Variants in KLF7 observed in about 807,000 individuals in gnomAD.
KLF7 encodes Krueppel-like factor 7.
A neutral mutation model predicts 27.3 loss-of-function variants in KLF7; 2 were observed. The observed-to-expected ratio is 0.07, with a 90% CI of 0.03 to 0.23. The LOEUF (loss-of-function observed/expected upper bound fraction) is 0.23. Ranked by LOEUF, KLF7 falls within the 10% of genes least tolerant of loss-of-function variation. The pLI, the probability that KLF7 is intolerant of heterozygous loss-of-function variation, is 1.00. For missense variants in KLF7, 221 were observed against 394.1 expected, an observed-to-expected ratio of 0.56 and a Z score of 3.72; for synonymous variants, 165 against 162.4, an observed-to-expected ratio of 1.02 and a Z score of -0.12.
chr2:207,161,560 C>A (rs1398128092), intron 1 of KLF7, among the ~76,000 whole-genome samples: 1 of 152,166 alleles, frequency 6.6e-6, no homozygotes, highest in African/African-American at 2.4e-5. Flanking sequence ...CCCAGGCCTG[C>A]AGAAGGAAGT....
At chr2:207,138,925 A>G (rs966347207) in intron 1 of KLF7, among the ~76,000 whole-genome samples, 1 of 152,208 alleles carries the variant, frequency 6.6e-6, no homozygotes, top group Non-Finnish European at 1.5e-5. Flanking sequence ...ATTTGGCTTG[A>G]TCTTCAATAA....
chr2:207,161,809 C>T (rs564651460), intron 1 of KLF7, among the ~76,000 whole-genome samples: 38 of 152,236 alleles, frequency 2.5e-4, no homozygotes, highest in African/African-American at 8.2e-4. Context: ...TAGTTTAAAA[C>T]AATAGGGGAA....
upstream of KLF7, chr2:207,166,954 C>CCGCCGCCG: frequency 2.3e-6 from 2 of 873,218 alleles, no homozygotes; most frequent in African/African-American, 3.6e-5. Context: ...GCCGCCGCCG[C>CCGCCGCCG]CCTCCCTCCC....
At chr2:207,120,878 C>T (rs1400387161) in intron 2 of KLF7, 1 of 152,154 alleles carries the variant, frequency 6.6e-6, no homozygotes, top group African/African-American at 2.4e-5. Context: ...AAATTATCAC[C>T]TTTGTTTTCA....
chr2:207,140,636 A>G (rs1396598388), intron 1 of KLF7, among the ~76,000 whole-genome samples: 1 of 152,184 alleles, frequency 6.6e-6, no homozygotes, highest in Non-Finnish European at 1.5e-5. Flanking sequence ...CAAGAGGATC[A>G]TCAAACTCTG....
chr2:207,123,835 G>A lies in KLF7; in HGVS notation c.672C>T (p.Asn224=), dbSNP rs201005804. The change falls in exon 2 of 4, where the codon AAC becomes AAT. Residue 224 remains asparagine (N), a synonymous_variant. Transcript: ENST00000309446. ...NKKRVHRCQF[N]GCRKVYTKSS... ...TTTTTGTATAAACTTTCCGGCACCC[G>A]TTAAACTGACAGCGGTGAACCCTCT... 39 of 1,614,112 alleles carry A rather than the reference G, an allele frequency of 2.4e-5. No homozygotes were observed. The highest frequency in any genetic ancestry group is 1.3e-4 in the East Asian group (6 of 44,876).
intron 2 of KLF7, among the ~76,000 whole-genome samples, chr2:207,103,759 G>A (rs2076819078): frequency 6.6e-6 from 1 of 152,178 alleles, no homozygotes; most frequent in Non-Finnish European, 1.5e-5. Flanking sequence ...GCAAAATAGA[G>A]CTAATCCCTT....
At chr2:207,129,343 C>A (rs183760819) in intron 1 of KLF7, among the ~76,000 whole-genome samples, 5 of 152,300 alleles carry the variant, frequency 3.3e-5, no homozygotes. Flanking sequence ...CTGACCTAAC[C>A]ATACAACTTA....
At chr2:207,093,396 C>T (rs992358003) in intron 2 of KLF7, among the ~76,000 whole-genome samples, 1 of 152,192 alleles carries the variant, frequency 6.6e-6, no homozygotes, top group Non-Finnish European at 1.5e-5. Flanking sequence ...CACCACATTG[C>T]TGCCCTGCCT....
chr2:207,120,503 C>G (rs2077308894), intron 2 of KLF7, among the ~76,000 whole-genome samples: 1 of 152,172 alleles, frequency 6.6e-6, no homozygotes. Flanking sequence ...CTCTAGAGAA[C>G]AAAATGCAAA....
At chr2:207,099,583 T>C (rs1188728939) in intron 2 of KLF7, among the ~76,000 whole-genome samples, 1 of 133,794 alleles carries the variant, frequency 7.5e-6, no homozygotes, top group Non-Finnish European at 1.6e-5. Context: ...TGAAAAGAGA[T>C]AGATCAATGG....
intron 1 of KLF7, among the ~76,000 whole-genome samples, chr2:207,135,458 T>G (rs2077757023): frequency 6.7e-6 from 1 of 149,254 alleles, no homozygotes. Flanking sequence ...AATTTCCTGC[T>G]TCACCATGGA....
chr2:207,162,742 A>G (rs990914497), intron 1 of KLF7, among the ~76,000 whole-genome samples: 1 of 152,238 alleles, frequency 6.6e-6, no homozygotes, highest in African/African-American at 2.4e-5. Flanking sequence ...TCAATTTTCA[A>G]ACGTAAAAAT....
chr2:207,122,189 G>A (rs1261195844), intron 2 of KLF7: 2 of 152,216 alleles, frequency 1.3e-5, no homozygotes, highest in East Asian at 3.9e-4. Context: ...ATTAGCCTTG[G>A]TGTGTGTATG....
At chr2:207,119,334 C>T (rs1559136791) in intron 2 of KLF7, among the ~76,000 whole-genome samples, 1 of 152,124 alleles carries the variant, frequency 6.6e-6, no homozygotes, top group Non-Finnish European at 1.5e-5. Context: ...CACAAAGCAC[C>T]ATTTCAATGA....
intron 1 of KLF7, chr2:207,134,104 C>T: frequency 3.9e-6 from 6 of 1,534,540 alleles, no homozygotes; most frequent in Non-Finnish European, 5.2e-6. Context: ...GTTACATCAT[C>T]TCCCCTTCCT....
intron 1 of KLF7, among the ~76,000 whole-genome samples, chr2:207,155,498 A>T (rs945780321): frequency 1.3e-5 from 2 of 152,236 alleles, no homozygotes; most frequent in Non-Finnish European, 2.9e-5. Context: ...AAAGACCAGG[A>T]GCAAAACACC....
chr2:207,148,869 T>C, intron 1 of KLF7: 1 of 342,910 alleles, frequency 2.9e-6, no homozygotes, highest in Non-Finnish European at 4.4e-6. Context: ...TGACTTTTCC[T>C]TTGCCAACAT....
chr2:207,143,053 A>C (rs1037016180), intron 1 of KLF7, among the ~76,000 whole-genome samples: 2 of 152,248 alleles, frequency 1.3e-5, no homozygotes, highest in Non-Finnish European at 2.9e-5. Context: ...AAATCATTCA[A>C]GGCATTTTCT....
Sources: gnomAD v4.1 joint callset for allele counts (sites outside exome capture counted in the v4.1 genomes callset) on GRCh38, gnomAD v4.1.1 for gene constraint, MANE v1.5 for transcripts, NCBI Gene and HGNC (gene_info 2026-07-23, HGNC 2026-07-21) for gene names.